Variants in TEAD1 observed in about 807,000 individuals in gnomAD.
The protein encoded by TEAD1 is TEA domain transcription factor 1, also known as transcriptional enhancer factor TEF-1.
A neutral mutation model predicts 54.9 loss-of-function variants in TEAD1; 9 were observed. That is an observed-to-expected ratio of 0.16 (90% CI 0.10 to 0.29). The LOEUF (loss-of-function observed/expected upper bound fraction) is 0.29, where lower values mean the gene tolerates loss of function less well. Ranked by LOEUF, TEAD1 falls within the 10% of genes least tolerant of loss-of-function variation. The pLI is 1.00. For missense variants in TEAD1, 387 were observed against 535.9 expected (o/e 0.72, Z 2.74); for synonymous variants, 200 against 187.8 (o/e 1.07, Z -0.53).
rs1157675979 is a variant in TEAD1, at chr11:12,938,348, C to T, written c.*1126C>T. The stretch of plus-strand genomic sequence containing the variant: ...AGAAAATTGTAAGCATCCTCACCAG[C>T]CTGTGGATACATTCTTTATTTCTAG... On this transcript the variant is annotated 3_prime_UTR_variant, in exon 13 of 13. Coordinates refer to ENST00000527636, the MANE Select transcript of TEAD1 (RefSeq NM_021961.6). The T allele has an allele frequency of 1.3e-5, 2 of 152,574 alleles. No homozygotes were observed. Among genetic ancestry groups the T allele is most frequent in the Non-Finnish European group, 2.9e-5 (2 of 68,036 alleles). The allele number at this position is 152,574 out of a possible 1,614,324, so 9.5% of individuals were successfully genotyped here.
intron 10 of TEAD1, chr11:12,921,097 A>G (rs1326925154): frequency 6.6e-6 from 1 of 152,244 alleles, no homozygotes; most frequent in African/African-American, 2.4e-5. Flanking sequence ...TGAATACCTA[A>G]GTGCTGAATA....
Position 12,938,143 on chromosome 11 carries a change from A to T in TEAD1, c.*921A>T, listed in dbSNP as rs1396968948. The T allele has an allele frequency of 6.6e-6, 1 of 152,622 alleles. No individual in the cohort carries two copies. The highest frequency in any genetic ancestry group is 1.5e-5 in the Non-Finnish European group (1 of 68,036). The allele number at this position is 152,622 out of a possible 1,614,324, so 9.5% of individuals were successfully genotyped here. On this transcript the variant is annotated 3_prime_UTR_variant, in exon 13 of 13. Coordinates refer to ENST00000527636, the MANE Select transcript of TEAD1 (RefSeq NM_021961.6). ...CAGTTATATTTTATATGGACGACCA[A>T]ATTTTTTATTAAGATGAGTAAATAT... is the stretch of plus-strand genomic sequence containing the variant.
chr11:12,834,334 C>T (rs1360845373), intron 3 of TEAD1, among the ~76,000 whole-genome samples: 1 of 152,172 alleles, frequency 6.6e-6, no homozygotes, highest in African/African-American at 2.4e-5. Flanking sequence ...TCCATGGAAA[C>T]TTTGGACTTG....
At chr11:12,676,062 A>G (rs1295610847) in intron 2 of TEAD1, among the ~76,000 whole-genome samples, 3 of 152,210 alleles carry the variant, frequency 2.0e-5, no homozygotes, top group Non-Finnish European at 2.9e-5. Flanking sequence ...AGGAGCAGGG[A>G]ATGTAAAAAG....
At chr11:12,737,782 G>T (rs1356455698) in intron 2 of TEAD1, among the ~76,000 whole-genome samples, 2 of 152,200 alleles carry the variant, frequency 1.3e-5, no homozygotes, top group Admixed American at 6.5e-5. Context: ...CCAAGAGTAA[G>T]GGTGGAGGTG....
intron 3 of TEAD1, among the ~76,000 whole-genome samples, chr11:12,791,783 A>C (rs1448542017): frequency 6.6e-6 from 1 of 152,196 alleles, no homozygotes; most frequent in Non-Finnish European, 1.5e-5. Context: ...ATGCATCCTT[A>C]ATTAATAGGC....
intron 12 of TEAD1, among the ~76,000 whole-genome samples, chr11:12,933,562 A>G (rs1300335632): frequency 6.6e-6 from 1 of 152,136 alleles, no homozygotes; most frequent in African/African-American, 2.4e-5. Context: ...TATTTTTATT[A>G]TGTCTTTTTT....
At chr11:12,685,633 G>A (rs1156338935) in intron 2 of TEAD1, among the ~76,000 whole-genome samples, 1 of 152,184 alleles carries the variant, frequency 6.6e-6, no homozygotes, top group African/African-American at 2.4e-5. Context: ...AAGATAAACA[G>A]TAGTAGTATT....
intron 3 of TEAD1, among the ~76,000 whole-genome samples, chr11:12,843,008 A>C (rs557856166): frequency 6.6e-6 from 1 of 152,336 alleles, no homozygotes; most frequent in East Asian, 1.9e-4. Flanking sequence ...TGCTAGGCAG[A>C]GTAACAGCAT....
chr11:12,841,516 G>C (rs1489769334), intron 3 of TEAD1, among the ~76,000 whole-genome samples: 1 of 152,200 alleles, frequency 6.6e-6, no homozygotes, highest in East Asian at 1.9e-4. Flanking sequence ...TCTTGGAGGG[G>C]TTGGTTTAGA....
intron 3 of TEAD1, among the ~76,000 whole-genome samples, chr11:12,765,935 T>C (rs1945199518): frequency 3.9e-5 from 6 of 152,226 alleles, no homozygotes; most frequent in Admixed American, 3.3e-4. Flanking sequence ...TTGTGGGTCT[T>C]ATTTTCATAC....
At chr11:12,903,720 G>T (rs981330631) in intron 10 of TEAD1, among the ~76,000 whole-genome samples, 4 of 152,218 alleles carry the variant, frequency 2.6e-5, no homozygotes, top group African/African-American at 9.6e-5. Flanking sequence ...GCTGAGGTGG[G>T]AGGATAGCTT....
At chr11:12,851,872 C>A (rs1284075399) in intron 3 of TEAD1, among the ~76,000 whole-genome samples, 1 of 151,920 alleles carries the variant, frequency 6.6e-6, no homozygotes, top group South Asian at 2.1e-4. Context: ...GAGAACCAGA[C>A]AGGTGCTTTA....
intron 3 of TEAD1, among the ~76,000 whole-genome samples, chr11:12,783,098 T>TTGTGTG (rs34564715): frequency 0.047 from 6,563 of 139,262 alleles, 367 homozygotes; most frequent in African/African-American, 0.13. Context: ...AGGTAAGGGT[T>TTGTGTG]TGTGTGTGTG....
intron 3 of TEAD1, among the ~76,000 whole-genome samples, chr11:12,852,121 A>G (rs566847849): frequency 2.8e-4 from 42 of 152,350 alleles, no homozygotes; most frequent in African/African-American, 1.0e-3. Context: ...AGGTGGTTCC[A>G]CAAAGGCATG....
chr11:12,883,159 A>T (rs1948004377), intron 9 of TEAD1, 34 bp downstream of exon 9: 1 of 1,613,894 alleles, frequency 6.2e-7, no homozygotes, highest in Admixed American at 1.7e-5. Context: ...TCTTGAATCC[A>T]GGATTTCTTT....
chr11:12,878,646 G>T (rs141987477), intron 5 of TEAD1, among the ~76,000 whole-genome samples: 1 of 148,060 alleles, frequency 6.8e-6, no homozygotes, highest in Non-Finnish European at 1.5e-5. Context: ...TTTTATTGTT[G>T]CTGTTGTTGG....
chr11:12,886,946 A>G (rs981983361), intron 9 of TEAD1, among the ~76,000 whole-genome samples: 1 of 152,192 alleles, frequency 6.6e-6, no homozygotes, highest in Admixed American at 6.5e-5. Context: ...GAGCTCTGTC[A>G]CTGCTGTGAA....
chr11:12,752,907 C>T (rs1944904956), intron 2 of TEAD1, among the ~76,000 whole-genome samples: 1 of 151,592 alleles, frequency 6.6e-6, no homozygotes, highest in South Asian at 2.1e-4. Context: ...GTGGCGTGAT[C>T]ACAGCTCACT....
Sources: allele counts gnomAD v4.1 joint callset (sites outside exome capture counted in the v4.1 genomes callset), GRCh38; gene constraint gnomAD v4.1.1; transcripts MANE v1.5; gene names NCBI Gene and HGNC (gene_info 2026-07-23, HGNC 2026-07-21).